Variants in DNAH17 observed in about 807,000 individuals in gnomAD.
DNAH17 encodes the protein axonemal beta dynein heavy chain 17.
In DNAH17, 376 loss-of-function variants were observed where a neutral mutation model predicts 485.6. The observed-to-expected ratio is 0.77, with a 90% CI of 0.71 to 0.84. DNAH17 has a LOEUF of 0.84. Ranked by LOEUF, DNAH17 falls within the 40% of genes least tolerant of loss-of-function variation. The pLI is 0.00. For synonymous variants in DNAH17, 3,031 were observed against 2,405.9 expected, an observed-to-expected ratio of 1.26 and a Z score of -7.60; for missense variants, 6,370 against 5,839.3, an observed-to-expected ratio of 1.09 and a Z score of -2.96.
At chr17:78,569,940 G>A (rs1568271265) in intron 7 of DNAH17, among the ~76,000 whole-genome samples, 1 of 152,230 alleles carries the variant, frequency 6.6e-6, no homozygotes, top group South Asian at 2.1e-4. Flanking sequence ...GAGACGGAAG[G>A]TGGTTTGATG....
chr17:78,495,132 C>G (rs2090020927), intron 38 of DNAH17, 35 bp from the exon 39 acceptor site: 1 of 1,556,800 alleles, frequency 6.4e-7, no homozygotes, highest in African/African-American at 1.3e-5. Flanking sequence ...GGCTTCTGCC[C>G]ACTCCCTCCC....
intron 19 of DNAH17, 77 bp downstream of exon 19, chr17:78,537,222 G>A (rs1598666754): frequency 2.8e-6 from 4 of 1,419,388 alleles, no homozygotes; most frequent in Admixed American, 2.4e-5. Flanking sequence ...GCGAAGCCTT[G>A]CCGAGTTAGG....
intron 62 of DNAH17, among the ~76,000 whole-genome samples, chr17:78,458,133 G>A (rs1598482325): frequency 6.6e-6 from 1 of 152,316 alleles, no homozygotes; most frequent in Non-Finnish European, 1.5e-5. Context: ...TGTGGCTGCT[G>A]GAAAAGTTAA....
intron 69 of DNAH17, among the ~76,000 whole-genome samples, chr17:78,446,547 G>T (rs1049829679): frequency 1.3e-5 from 2 of 152,146 alleles, no homozygotes; most frequent in African/African-American, 2.4e-5. Flanking sequence ...ATATAACCAC[G>T]CTGGCATTCT....
At position 78,454,579 on chromosome 17, in the gene DNAH17, C is replaced by T. The variant is rs1167643001; in HGVS notation, c.10297G>A (p.Gly3433Ser). The T allele has an allele frequency of 6.2e-7, 1 of 1,612,924 alleles. No homozygotes were observed. The highest frequency in any genetic ancestry group is 1.1e-5 in the South Asian group (1 of 91,050). Residue 3433 changes from glycine (G) to serine (S), a missense_variant, in exon 64 of 81, where the codon GGC (glycine) becomes AGC (serine). Physicochemically the swap from Gly to Ser is moderately conservative, Grantham distance 56. Transcript: ENST00000389840. The stretch of plus-strand genomic sequence containing the variant: ...ATCAGCGGCCACCGCTCGGTGTTGC[C>T]CAGGATGGTGGCATTCTCGGTGGAC... ...RMSTENATILGNTERWPLIVD... is the reference protein window; with the variant it reads ...RMSTENATILSNTERWPLIVD...
chr17:78,477,185 C>T (rs764273409), intron 51 of DNAH17, among the ~76,000 whole-genome samples: 3 of 152,092 alleles, frequency 2.0e-5, no homozygotes, highest in Non-Finnish European at 2.9e-5. Context: ...CCAGGCACAG[C>T]GATGATGCAA....
chr17:78,430,968 TCTC>T lies in DNAH17; in HGVS notation c.12226-1671_12226-1669del, dbSNP rs373543952. Among the ~76,000 whole-genome samples, 353 of 151,846 alleles carry T rather than the reference TCTC, an allele frequency of 2.3e-3. 2 individuals are homozygous for T. Among genetic ancestry groups the T allele is most frequent in the African/African-American group, 8.0e-3 (333 of 41,380 alleles). ...CAAACATGGCTCACTGCAGCCTTGA[TCTC>T]CTGGGTTCAAGCGACCCTCCCACTT... On this transcript the variant is annotated intron_variant, in intron 75 of 80. Transcript: ENST00000389840.
At chr17:78,485,167 C>T in intron 47 of DNAH17, 134 bp from the exon 48 acceptor site, 3 of 1,230,428 alleles carry the variant, frequency 2.4e-6, no homozygotes, top group East Asian at 2.6e-5. Flanking sequence ...CCAAAGGTAC[C>T]TGCCCTGGGA....
chr17:78,428,723 G>C lies in DNAH17; in HGVS notation c.12406-16C>G. ...CGTGGTAACCCTGAAAAAGAGGGCA[G>C]TTTGTAAGCAGAGGCAAAGCTGTGC... On this transcript the variant is annotated splice_polypyrimidine_tract_variant and intron_variant, in intron 76 of 80. Transcript: ENST00000389840. 1.2e-6 allele frequency: 2 copies of C among 1,612,654 alleles called. No homozygotes were observed. Among genetic ancestry groups the C allele is most frequent in the Non-Finnish European group, 8.5e-7 (1 of 1,178,860 alleles).
intron 25 of DNAH17, among the ~76,000 whole-genome samples, chr17:78,516,149 A>T (rs1014353196): frequency 2.3e-5 from 3 of 129,798 alleles, no homozygotes; most frequent in South Asian, 2.4e-4. Context: ...TTGAAACCTT[A>T]ATCTACACAG....
At chr17:78,476,816 GC>G in intron 51 of DNAH17, 83 bp from the exon 52 acceptor site, 3 of 1,489,098 alleles carry the variant, frequency 2.0e-6, no homozygotes, top group Non-Finnish European at 1.8e-6. Context: ...CTGAGGAGCA[GC>G]CCCCTCCCCC....
intron 56 of DNAH17, among the ~76,000 whole-genome samples, chr17:78,465,260 G>A (rs573190467): frequency 1.8e-3 from 267 of 152,146 alleles, no homozygotes; most frequent in African/African-American, 6.2e-3. Flanking sequence ...GGAGTGCAGT[G>A]GCGTGATCTC....
intron 17 of DNAH17, among the ~76,000 whole-genome samples, chr17:78,543,114 GGTTTT>G (rs59986833): frequency 0.56 from 84,047 of 150,716 alleles, 24,315 homozygotes; most frequent in East Asian, 0.76. Flanking sequence ...AAAGATCATA[GGTTTT>G]GTTTTGTTTT....
At chr17:78,565,352 C>T (rs923568491) in intron 11 of DNAH17, among the ~76,000 whole-genome samples, 10 of 152,228 alleles carry the variant, frequency 6.6e-5, no homozygotes, top group African/African-American at 2.2e-4. Flanking sequence ...AACACCAACT[C>T]GATCCAAGAC....
In DNAH17 at chr17:78,507,505, G is replaced by A. The variant is rs1359009897; in HGVS notation, c.4537C>T (p.Leu1513Phe). The A allele has an allele frequency of 6.2e-7, 1 of 1,613,478 alleles. No individual in the cohort carries two copies. Among genetic ancestry groups the A allele is most frequent in the Non-Finnish European group, 8.5e-7 (1 of 1,179,376 alleles). ...TCAAAGCGCTGGGAGTCCCCCGGGAGCTGGGTGCGGATGTCTTCGGAGCCG... is the reference window on the plus strand; with the variant it reads ...TCAAAGCGCTGGGAGTCCCCCGGGAACTGGGTGCGGATGTCTTCGGAGCCG... The part of the protein sequence containing the change: ...FIGSEDIRTQ[L>F]PGDSQRFDDI... The change falls in exon 28 of 81, where the codon CTC becomes TTC. Residue 1513 changes from leucine to phenylalanine, a missense_variant. Leu to Phe is a conservative substitution (Grantham distance 22). Coordinates refer to ENST00000389840, the MANE Select transcript of DNAH17 (RefSeq NM_173628.4).
At position 78,461,637 on chromosome 17, in the gene DNAH17, T is replaced by G; in HGVS notation, c.9246A>C (p.Gln3082His). The change falls in exon 58 of 81, where the codon CAA becomes CAC. Residue 3082 changes from glutamine (Q) to histidine (H), a missense_variant. Transcript: ENST00000389840. Reference sequence around the variant, plus strand: ...CCTCGATGCCGACCACCTGGATCAGTTGGTCTGCGCTCTCATTCTTCTGCT... The same window carrying G: ...CCTCGATGCCGACCACCTGGATCAGGTGGTCTGCGCTCTCATTCTTCTGCT... ...ELKQKNESADQLIQVVGIEAE... is the reference protein window; with the variant it reads ...ELKQKNESADHLIQVVGIEAE... The G allele has an allele frequency of 6.2e-7, 1 of 1,611,828 alleles. No homozygotes were observed. Among genetic ancestry groups the G allele is most frequent in the Non-Finnish European group, 8.5e-7 (1 of 1,179,242 alleles).
chr17:78,498,972 C>T (rs1404617452), intron 37 of DNAH17, 36 bp downstream of exon 37: 34 of 1,528,858 alleles, frequency 2.2e-5, no homozygotes, highest in Middle Eastern at 3.4e-4. Context: ...GCCAGTCACC[C>T]GACGTGACCC....
At chr17:78,500,100 C>T (rs558640315) in intron 36 of DNAH17, 5 of 562,068 alleles carry the variant, frequency 8.9e-6, no homozygotes, top group South Asian at 2.3e-5. Context: ...TTTGGGGCTG[C>T]GTCTGTCCAC....
intron 22 of DNAH17, among the ~76,000 whole-genome samples, chr17:78,528,527 C>T (rs1362396569): frequency 1.3e-5 from 2 of 151,752 alleles, no homozygotes; most frequent in Admixed American, 6.6e-5. Context: ...TGTCTGGAGT[C>T]GGTGCATAAG....
Sources: gnomAD v4.1 joint callset for allele counts (sites outside exome capture counted in the v4.1 genomes callset) on GRCh38, gnomAD v4.1.1 for gene constraint, MANE v1.5 for transcripts, NCBI Gene and HGNC (gene_info 2026-07-23, HGNC 2026-07-21) for gene names.